The following OTOGL variants were observed in gnomAD, a reference collection of about 807,000 sequenced individuals.
The protein encoded by OTOGL is otogelin like, also known as otogelin-like protein.
A neutral mutation model predicts 318.5 loss-of-function variants in OTOGL; 285 were observed. That is an observed-to-expected ratio of 0.89 (90% confidence interval 0.81 to 0.99). OTOGL has a LOEUF of 0.99. Among genes scored for constraint, OTOGL ranks in the 50% least tolerant of loss-of-function variants. OTOGL has a pLI of 0.00. For synonymous variants in OTOGL, 987 were observed against 936.5 expected, an observed-to-expected ratio of 1.05 and a Z score of -0.99; for missense variants, 2,899 against 2,845.6, an observed-to-expected ratio of 1.02 and a Z score of -0.43.
chr12:80,100,245 ACT>A (rs908430456), intron 1 of OTOGL, among the ~76,000 whole-genome samples: 11 of 151,832 alleles, frequency 7.2e-5, no homozygotes, highest in African/African-American at 2.4e-4. Flanking sequence ...TTCCAATTCT[ACT>A]CTTTTAGTTA....
chr12:80,291,270 C>G (rs1885025682), intron 26 of OTOGL, among the ~76,000 whole-genome samples: 1 of 152,154 alleles, frequency 6.6e-6, no homozygotes, highest in Non-Finnish European at 1.5e-5. Context: ...TTCCTCATTT[C>G]TATGAAAGAC....
chr12:80,114,431 C>T (rs1256596860), intron 1 of OTOGL, among the ~76,000 whole-genome samples: 1 of 152,104 alleles, frequency 6.6e-6, no homozygotes, highest in Non-Finnish European at 1.5e-5. Flanking sequence ...AAGAACGTTG[C>T]ATATTAGCCC....
chr12:80,259,077 A>G (rs1222753683), intron 18 of OTOGL, among the ~76,000 whole-genome samples: 1 of 151,368 alleles, frequency 6.6e-6, no homozygotes, highest in African/African-American at 2.4e-5. Context: ...AATGTATATA[A>G]TTTTTTTTAG....
chr12:80,234,079 G>A (rs1370722602), intron 9 of OTOGL, among the ~76,000 whole-genome samples: 1 of 151,732 alleles, frequency 6.6e-6, no homozygotes, highest in Admixed American at 6.6e-5. Context: ...TGTTCAAGAT[G>A]AGGTCTTGCT....
In OTOGL at chr12:80,328,681, C is replaced by A. The variant is rs543970166; in HGVS notation, c.4216C>A (p.Pro1406Thr). The A allele has an allele frequency of 8.7e-6, 14 of 1,602,972 alleles. No homozygotes were observed. The highest frequency in any genetic ancestry group is 1.2e-5 in the Non-Finnish European group (14 of 1,170,432). Residue 1406 changes from proline to threonine, a missense_variant, in exon 36 of 59, where the codon CCC becomes ACC. Around this residue, in one of 3 missense-constraint regions of OTOGL, gnomAD observed 2,607 missense variants for 2,524.9 expected, o/e 1.03. Coordinates refer to ENST00000547103, the MANE Select transcript of OTOGL (RefSeq NM_001378609.3). ...CATGTAAAGGGTTGAAGGATGCTTGCCCTACTGCCCTAAAAATATGATCCT... is the reference window on the plus strand; with the variant it reads ...CATGTAAAGGGTTGAAGGATGCTTGACCTACTGCCCTAAAAATATGATCCT... ...KFLPPVEGCL[P>T]YCPKNMILDE...
intron 1 of OTOGL, among the ~76,000 whole-genome samples, chr12:80,154,189 G>A (rs1872968983): frequency 6.6e-6 from 1 of 152,046 alleles, no homozygotes; most frequent in Non-Finnish European, 1.5e-5. Context: ...CACGCCTGTA[G>A]TCCCAGCTAC....
intron 42 of OTOGL, 135 bp from the exon 43 acceptor site, chr12:80,338,940 C>A: frequency 2.8e-6 from 2 of 713,180 alleles, no homozygotes; most frequent in Non-Finnish European, 4.4e-6. Flanking sequence ...GAAGCTGTGG[C>A]AGCAGTAAGA....
At chr12:80,349,469 T>C (rs943416338) in intron 44 of OTOGL, among the ~76,000 whole-genome samples, 3 of 151,798 alleles carry the variant, frequency 2.0e-5, no homozygotes, top group African/African-American at 4.8e-5. Flanking sequence ...AACATGACCA[T>C]TGAGGATGGG....
In OTOGL at chr12:80,369,159, C is replaced by CT. The variant is rs530461162; in HGVS notation, c.6615+853dup. Among the ~76,000 whole-genome samples, 5 of 152,038 alleles carry CT rather than the reference C, an allele frequency of 3.3e-5. No individual in the cohort carries two copies. The East Asian group carries it at 7.7e-4, about 23-fold the overall frequency. ...TAAATTTAACTCATGAATTTCTCAG[C>CT]TTTGACATAATTAAATATGCAAACA... On this transcript the variant is annotated intron_variant, in intron 55 of 58. Transcript: ENST00000547103.
chr12:80,202,959 C>G (rs1370101152), intron 1 of OTOGL, among the ~76,000 whole-genome samples: 2 of 152,182 alleles, frequency 1.3e-5, no homozygotes, highest in Non-Finnish European at 2.9e-5. Context: ...GGCCCACAAC[C>G]TTATGTCAAC....
chr12:80,170,622 T>C (rs1381799199), intron 1 of OTOGL, among the ~76,000 whole-genome samples: 1 of 151,998 alleles, frequency 6.6e-6, no homozygotes, highest in East Asian at 1.9e-4. Flanking sequence ...TTAGAAGAGA[T>C]GGGGTTTCAC....
At chr12:80,331,856 TAAAAG>T (rs1476373484) in intron 37 of OTOGL, among the ~76,000 whole-genome samples, 2 of 152,128 alleles carry the variant, frequency 1.3e-5, no homozygotes, top group African/African-American at 2.4e-5. Flanking sequence ...CAAATTTCCT[TAAAAG>T]AGAGAGGCAA....
At chr12:80,178,134 C>T (rs563589370) in intron 1 of OTOGL, among the ~76,000 whole-genome samples, 4 of 128,956 alleles carry the variant, frequency 3.1e-5, no homozygotes, top group South Asian at 2.5e-4. Context: ...GATCTCGGCT[C>T]GCTGCAGCCT....
intron 1 of OTOGL, among the ~76,000 whole-genome samples, chr12:80,134,881 C>T (rs1449202992): frequency 6.6e-6 from 1 of 152,090 alleles, no homozygotes; most frequent in Non-Finnish European, 1.5e-5. Context: ...CTGGTGCATC[C>T]CCAACAGTTT....
chr12:80,362,517 A>G (rs1464660065), intron 52 of OTOGL, among the ~76,000 whole-genome samples: 1 of 152,190 alleles, frequency 6.6e-6, no homozygotes, highest in Non-Finnish European at 1.5e-5. Flanking sequence ...CTCTGTAAAA[A>G]ATGTCACTGG....
intron 1 of OTOGL, among the ~76,000 whole-genome samples, chr12:80,099,927 G>C (rs915883313): frequency 6.6e-6 from 1 of 152,094 alleles, no homozygotes; most frequent in South Asian, 2.1e-4. Flanking sequence ...GATTTGGATG[G>C]TTCCACTCCT....
At chr12:80,128,842 G>A (rs1006400650) in intron 1 of OTOGL, among the ~76,000 whole-genome samples, 12 of 152,226 alleles carry the variant, frequency 7.9e-5, no homozygotes, top group African/African-American at 2.7e-4. Flanking sequence ...TCTGAGCCAG[G>A]TGCGGGATAC....
intron 1 of OTOGL, among the ~76,000 whole-genome samples, chr12:80,133,097 G>A (rs1219479670): frequency 6.6e-6 from 1 of 151,604 alleles, no homozygotes; most frequent in East Asian, 1.9e-4. Flanking sequence ...CCAAGATTAG[G>A]TCTAGTTACT....
intron 1 of OTOGL, among the ~76,000 whole-genome samples, chr12:80,208,786 A>T (rs1877011125): frequency 6.6e-6 from 1 of 152,110 alleles, no homozygotes; most frequent in Non-Finnish European, 1.5e-5. Flanking sequence ...TCTTTTTTTA[A>T]AAATTGCTAC....
Sources: gnomAD v4.1 joint callset for allele counts (sites outside exome capture counted in the v4.1 genomes callset) on GRCh38, gnomAD v4.1.1 for gene constraint, gnomAD v4.1.1 regional missense constraint, MANE v1.5 for transcripts, NCBI Gene and HGNC (gene_info 2026-07-23, HGNC 2026-07-21) for gene names.